Variants in SUCLG2 observed in about 807,000 individuals in gnomAD.
The protein encoded by SUCLG2 is succinate--CoA ligase [GDP-forming] subunit beta, mitochondrial.
In SUCLG2, 42 loss-of-function variants were observed where a neutral mutation model predicts 47.9. The ratio of observed to expected loss-of-function variants is 0.88; its 90% confidence interval spans 0.69 to 1.14. The LOEUF (loss-of-function observed/expected upper bound fraction) is 1.14. Ranked by LOEUF, SUCLG2 falls within the 50% of genes most tolerant of loss-of-function variation. The probability of loss-of-function intolerance (pLI) is 0.00; values close to 1 mark genes in which losing one functional copy is unlikely to be tolerated. For synonymous variants in SUCLG2, 195 were observed against 197.3 expected (o/e 0.99, Z 0.10); for missense variants, 571 against 525.9 (o/e 1.09, Z -0.84).
chr3:67,615,968 T>C (rs1334966711), intron 1 of SUCLG2, among the ~76,000 whole-genome samples: 1 of 151,914 alleles, frequency 6.6e-6, no homozygotes, highest in Non-Finnish European at 1.5e-5. Flanking sequence ...TGTGAACTAT[T>C]TAACATTATC....
At chr3:67,622,708 A>C (rs573253233) in intron 1 of SUCLG2, among the ~76,000 whole-genome samples, 1 of 152,338 alleles carries the variant, frequency 6.6e-6, no homozygotes, top group African/African-American at 2.4e-5. Flanking sequence ...CATTTAATAA[A>C]ATTAATAATT....
chr3:67,534,370 G>A (rs936586959), intron 2 of SUCLG2, among the ~76,000 whole-genome samples: 1 of 151,852 alleles, frequency 6.6e-6, no homozygotes, highest in African/African-American at 2.4e-5. Context: ...TTTAATTTTA[G>A]TCCCTATAAA....
At chr3:67,613,941 G>C (rs1326314734) in intron 1 of SUCLG2, among the ~76,000 whole-genome samples, 3 of 152,218 alleles carry the variant, frequency 2.0e-5, no homozygotes, top group Admixed American at 2.0e-4. Context: ...TTCACGAAAT[G>C]CTGACAGAGC....
At chr3:67,539,948 C>CT (rs1476982521) in intron 2 of SUCLG2, among the ~76,000 whole-genome samples, 2 of 151,778 alleles carry the variant, frequency 1.3e-5, no homozygotes, top group South Asian at 4.2e-4. Flanking sequence ...ATTCTTCTCT[C>CT]TTTTTTTATT....
intron 1 of SUCLG2, among the ~76,000 whole-genome samples, chr3:67,611,812 A>G (rs1296785042): frequency 1.3e-5 from 2 of 152,230 alleles, no homozygotes; most frequent in East Asian, 3.9e-4. Context: ...TCCAGAGGCC[A>G]GCTTCACAGA....
At chr3:67,538,021 G>C (rs142107466) in intron 2 of SUCLG2, among the ~76,000 whole-genome samples, 20 of 152,282 alleles carry the variant, frequency 1.3e-4, no homozygotes, top group African/African-American at 4.6e-4. Context: ...TCTGTAGGCT[G>C]CCTGTTCACT....
intron 2 of SUCLG2, among the ~76,000 whole-genome samples, chr3:67,592,743 A>AAC (rs1553666004): frequency 3.2e-4 from 47 of 148,570 alleles, no homozygotes; most frequent in African/African-American, 1.1e-3. Flanking sequence ...AAAACAACAA[A>AAC]AAAAAACTGA....
chr3:67,384,043 T>C (rs969207622), intron 10 of SUCLG2, among the ~76,000 whole-genome samples: 1 of 152,228 alleles, frequency 6.6e-6, no homozygotes, highest in Non-Finnish European at 1.5e-5. Flanking sequence ...TTTAACAGTG[T>C]GAGACTTTTG....
chr3:67,447,923 TTTGCC>T (rs1703963882), intron 9 of SUCLG2, among the ~76,000 whole-genome samples: 1 of 152,092 alleles, frequency 6.6e-6, no homozygotes, highest in Admixed American at 6.5e-5. Flanking sequence ...GAGACAGGGT[TTTGCC>T]ATGTTGGCCA....
chr3:67,559,437 GA>G (rs147801564), intron 2 of SUCLG2, among the ~76,000 whole-genome samples: 3,370 of 152,268 alleles, frequency 0.022, 133 homozygotes, highest in African/African-American at 0.077. Context: ...GGTAGCAGGA[GA>G]GAGAGATAGC....
At chr3:67,585,039 T>G (rs1707980733) in intron 2 of SUCLG2, among the ~76,000 whole-genome samples, 1 of 152,226 alleles carries the variant, frequency 6.6e-6, no homozygotes, top group Non-Finnish European at 1.5e-5. Context: ...AAGGATATAC[T>G]TGAAATGGGT....
At chr3:67,619,381 A>G (rs1700690138) in intron 1 of SUCLG2, among the ~76,000 whole-genome samples, 1 of 152,220 alleles carries the variant, frequency 6.6e-6, no homozygotes, top group East Asian at 1.9e-4. Flanking sequence ...AGGCAAAGCC[A>G]TATTTCAAAT....
chr3:67,642,951 T>TGTGTGA (rs1553675855), intron 1 of SUCLG2, among the ~76,000 whole-genome samples: 71 of 141,658 alleles, frequency 5.0e-4, no homozygotes, highest in African/African-American at 1.7e-3. Context: ...TGTGTGTGTG[T>TGTGTGA]GAGAGAGATG....
intron 1 of SUCLG2, among the ~76,000 whole-genome samples, chr3:67,627,822 G>T (rs1174296396): frequency 6.6e-6 from 1 of 152,170 alleles, no homozygotes; most frequent in Non-Finnish European, 1.5e-5. Flanking sequence ...TGGAGCCACT[G>T]AAACCAGCCA....
Position 67,375,060 on chromosome 3 carries a change from G to C in SUCLG2, c.*684C>G, listed in dbSNP as rs548139859. The C allele has an allele frequency of 2.0e-6, 2 of 985,528 alleles. No homozygotes were observed. The highest frequency in any genetic ancestry group is 1.7e-5 in the African/African-American group (1 of 57,196). The allele number at this position is 985,528 out of a possible 1,614,324, so 61.0% of individuals were successfully genotyped here. A position where few individuals can be genotyped will look rare whatever the true frequency, so the allele number is the denominator to read the frequency against. On this transcript the variant is annotated 3_prime_UTR_variant, in exon 11 of 11. Transcript: ENST00000307227. Reference sequence around the variant, plus strand: ...TTCCACTCCCAAAATCACAAATAAGGCTTCTGGTTTTCTTTTTAGTGTGAG... The same window carrying C: ...TTCCACTCCCAAAATCACAAATAAGCCTTCTGGTTTTCTTTTTAGTGTGAG...
chr3:67,471,865 G>C (rs945916259), intron 9 of SUCLG2, among the ~76,000 whole-genome samples: 4 of 152,130 alleles, frequency 2.6e-5, no homozygotes, highest in Admixed American at 6.5e-5. Flanking sequence ...CATCCTTGTA[G>C]TAGTTTCGTG....
At chr3:67,541,447 AC>A (rs1362115535) in intron 2 of SUCLG2, among the ~76,000 whole-genome samples, 7 of 152,172 alleles carry the variant, frequency 4.6e-5, no homozygotes, top group Non-Finnish European at 1.5e-5. Flanking sequence ...TTGAAGATCA[AC>A]TCAATGAAGA....
intron 1 of SUCLG2, among the ~76,000 whole-genome samples, chr3:67,627,209 T>C (rs1298516624): frequency 1.3e-5 from 2 of 151,426 alleles, no homozygotes; most frequent in Non-Finnish European, 2.9e-5. Flanking sequence ...AAAAAAAAAA[T>C]CTACTTAACT....
At chr3:67,461,345 T>C (rs1559534982) in intron 9 of SUCLG2, among the ~76,000 whole-genome samples, 1 of 152,104 alleles carries the variant, frequency 6.6e-6, no homozygotes, top group Non-Finnish European at 1.5e-5. Context: ...GTCTTGAAAG[T>C]ATAGATTATA....
Sources: gnomAD v4.1 joint callset for allele counts (sites outside exome capture counted in the v4.1 genomes callset) on GRCh38, gnomAD v4.1.1 for gene constraint, MANE v1.5 for transcripts, NCBI Gene and HGNC (gene_info 2026-07-23, HGNC 2026-07-21) for gene names.